Variants in ADGRL4 observed in about 807,000 individuals in gnomAD.
The protein encoded by ADGRL4 is EGF, latrophilin and seven transmembrane domain containing 1.
A neutral mutation model predicts 74.8 loss-of-function variants in ADGRL4; 90 were observed. The observed-to-expected ratio is 1.20, with a 90% CI of 1.02 to 1.43. The LOEUF (loss-of-function observed/expected upper bound fraction) is 1.43, where lower values mean the gene tolerates loss of function less well. Among genes scored for constraint, ADGRL4 ranks in the 40% most tolerant of loss-of-function variants. ADGRL4 has a pLI of 0.00. For synonymous variants in ADGRL4, 311 were observed against 279.2 expected (o/e 1.11, Z -1.14); for missense variants, 881 against 814.3 (o/e 1.08, Z -1.00).
chr1:78,986,068 G>T (rs1650488276), intron 2 of ADGRL4, among the ~76,000 whole-genome samples: 2 of 151,574 alleles, frequency 1.3e-5, no homozygotes, highest in Admixed American at 1.3e-4. Context: ...CTGCTTATCA[G>T]GTACTATGCT....
chr1:79,005,914 G>C (rs753332082), intron 1 of ADGRL4, among the ~76,000 whole-genome samples: 1 of 151,592 alleles, frequency 6.6e-6, no homozygotes, highest in Non-Finnish European at 1.5e-5. Flanking sequence ...AAATGGAACA[G>C]CACACAAATG....
intron 12 of ADGRL4, among the ~76,000 whole-genome samples, chr1:78,904,271 G>C (rs935357223): frequency 6.6e-6 from 1 of 151,780 alleles, no homozygotes; most frequent in African/African-American, 2.4e-5. Context: ...GTATTTTTGA[G>C]GTTGCAGCTC....
intron 12 of ADGRL4, among the ~76,000 whole-genome samples, chr1:78,909,545 C>A (rs1021915796): frequency 6.6e-6 from 1 of 151,864 alleles, no homozygotes; most frequent in Non-Finnish European, 1.5e-5. Flanking sequence ...TTTGATCCAA[C>A]GTGTCAGCTC....
chr1:78,957,642 C>T (rs1844318), intron 2 of ADGRL4, among the ~76,000 whole-genome samples: 2,192 of 152,116 alleles, frequency 0.014, 55 homozygotes, highest in African/African-American at 0.051. Context: ...TAGCAGAGGT[C>T]GGTTCATGAG....
chr1:78,921,941 G>T (rs1476638149), intron 8 of ADGRL4, among the ~76,000 whole-genome samples, 155 bp from the exon 9 acceptor site: 1 of 151,982 alleles, frequency 6.6e-6, no homozygotes, highest in African/African-American at 2.4e-5. Flanking sequence ...TGGCAGAATG[G>T]AAATTTATAT....
chr1:78,952,309 G>A (rs1649746118), intron 2 of ADGRL4, among the ~76,000 whole-genome samples: 1 of 147,596 alleles, frequency 6.8e-6, no homozygotes, highest in African/African-American at 2.5e-5. Flanking sequence ...CTGTGTCAAA[G>A]GTGGAGTAAC....
At chr1:78,988,880 C>A (rs1359638334) in intron 2 of ADGRL4, among the ~76,000 whole-genome samples, 1 of 151,644 alleles carries the variant, frequency 6.6e-6, no homozygotes, top group African/African-American at 2.4e-5. Context: ...TCCATTTTTC[C>A]CAGAATTAAA....
In ADGRL4 at chr1:79,005,106, T is replaced by A; in HGVS notation, c.136A>T (p.Met46Leu). The A allele has an allele frequency of 1.2e-6, 2 of 1,612,622 alleles. No individual in the cohort carries two copies. Among genetic ancestry groups the A allele is most frequent in the Non-Finnish European group, 8.5e-7 (1 of 1,179,538 alleles). Residue 46 changes from methionine to leucine, a missense_variant, in exon 2 of 15, where the codon ATG becomes TTG. Coordinates refer to ENST00000370742, the MANE Select transcript of ADGRL4 (RefSeq NM_022159.4). Reference protein sequence around the residue: ...RNGIEACYCNMGFSGNGVTIC... With the variant: ...RNGIEACYCNLGFSGNGVTIC... ...GTGACACCATTTCCTGAAAATCCCATGTTGCAATAGCAGGCTTCAATTCCA... is the reference window on the plus strand; with the variant it reads ...GTGACACCATTTCCTGAAAATCCCAAGTTGCAATAGCAGGCTTCAATTCCA...
At chr1:79,005,027 A>G in intron 2 of ADGRL4, 43 bp downstream of exon 2, 1 of 1,557,800 alleles carries the variant, frequency 6.4e-7, no homozygotes, top group South Asian at 1.2e-5. Context: ...ATCAGAATTT[A>G]ATCTTACAGT....
intron 2 of ADGRL4, among the ~76,000 whole-genome samples, chr1:78,995,026 C>T (rs1057311400): frequency 1.6e-4 from 24 of 152,276 alleles, no homozygotes; most frequent in East Asian, 3.9e-4. Context: ...TTGTTAGTTA[C>T]GTGGTAATTA....
intron 2 of ADGRL4, among the ~76,000 whole-genome samples, chr1:78,995,648 C>A (rs1650698038): frequency 6.6e-6 from 1 of 152,170 alleles, no homozygotes; most frequent in Admixed American, 6.5e-5. Context: ...AAAATCAAGG[C>A]TATTTGCCCA....
intron 10 of ADGRL4, among the ~76,000 whole-genome samples, chr1:78,918,398 T>G (rs1648931040): frequency 6.6e-6 from 1 of 151,924 alleles, no homozygotes; most frequent in Non-Finnish European, 1.5e-5. Flanking sequence ...TGATTTCTGT[T>G]TTGGAGATGC....
At chr1:78,981,251 A>C (rs1229187179) in intron 2 of ADGRL4, among the ~76,000 whole-genome samples, 2 of 151,934 alleles carry the variant, frequency 1.3e-5, no homozygotes, top group African/African-American at 2.4e-5. Context: ...ATAGATAACA[A>C]AATGATAAAA....
chr1:78,926,829 T>C (rs1225971752), intron 8 of ADGRL4, 57 bp downstream of exon 8: 1 of 1,255,678 alleles, frequency 8.0e-7, no homozygotes, highest in Non-Finnish European at 1.1e-6. Flanking sequence ...CAACAAAGAG[T>C]CCAGTTCTCT....
At chr1:78,927,283 C>T (rs17102430) in intron 7 of ADGRL4, among the ~76,000 whole-genome samples, 192 bp from the exon 8 acceptor site, 13,490 of 152,064 alleles carry the variant, frequency 0.089, 793 homozygotes, top group East Asian at 0.33. Flanking sequence ...TATTCTCTGA[C>T]CTCAAAGAAT....
intron 9 of ADGRL4, among the ~76,000 whole-genome samples, chr1:78,920,696 G>T (rs1570228660): frequency 6.6e-6 from 1 of 151,870 alleles, no homozygotes; most frequent in East Asian, 1.9e-4. Context: ...ACATTAGAAA[G>T]GCAATCGATT....
intron 8 of ADGRL4, among the ~76,000 whole-genome samples, chr1:78,924,341 T>G (rs1649069499): frequency 6.6e-6 from 1 of 152,056 alleles, no homozygotes; most frequent in Admixed American, 6.6e-5. Context: ...ATTGACCTTC[T>G]CTGCTTCCTC....
intron 2 of ADGRL4, among the ~76,000 whole-genome samples, chr1:78,988,253 A>G (rs1273683485): frequency 7.9e-5 from 12 of 151,786 alleles, no homozygotes; most frequent in African/African-American, 2.9e-4. Context: ...GACAGTTTGA[A>G]AAAAAATAGG....
chr1:79,003,259 C>T (rs537412811), intron 2 of ADGRL4, among the ~76,000 whole-genome samples: 9 of 151,828 alleles, frequency 5.9e-5, no homozygotes, highest in South Asian at 2.1e-4. Flanking sequence ...ACTATCCTGA[C>T]TAAAAAAAGG....
Sources: gnomAD v4.1 joint callset for allele counts (sites outside exome capture counted in the v4.1 genomes callset) on GRCh38, gnomAD v4.1.1 for gene constraint, MANE v1.5 for transcripts, NCBI Gene and HGNC (gene_info 2026-07-23, HGNC 2026-07-21) for gene names.